Variants in RGS12 observed in about 807,000 individuals in gnomAD.
RGS12 encodes the protein regulator of G-protein signaling 12.
RGS12 carries 66 observed loss-of-function variants against 120.1 expected under a neutral mutation model. The observed-to-expected ratio is 0.55, with a 90% CI of 0.45 to 0.67. The LOEUF is 0.67. RGS12 is among the 30% of genes least tolerant of loss of function. RGS12 has a pLI of 0.00. For synonymous variants in RGS12, 827 were observed against 804.7 expected (o/e 1.03, Z -0.47); for missense variants, 1,859 against 1,957.7 (o/e 0.95, Z 0.95).
chr4:3,437,299 C>G (rs1011004288), intron 17 of RGS12, among the ~76,000 whole-genome samples: 1 of 152,164 alleles, frequency 6.6e-6, no homozygotes, highest in Non-Finnish European at 1.5e-5. Flanking sequence ...AAGTGTTTCT[C>G]CATCCTGAGC....
At chr4:3,356,968 T>A (rs1714954643) in intron 3 of RGS12, among the ~76,000 whole-genome samples, 1 of 152,226 alleles carries the variant, frequency 6.6e-6, no homozygotes, top group Non-Finnish European at 1.5e-5. Context: ...GGAACCACCG[T>A]ACTGTTTTCC....
chr4:3,348,393 A>G lies in RGS12; in HGVS notation c.1998+5340A>G, dbSNP rs909090601. On this transcript the variant is annotated intron_variant, in intron 3 of 17. Transcript: ENST00000336727. Reference sequence around the variant, plus strand: ...TCTTTGTTTCGTAGGCCAGTTACCAAAAAGGTAAAGAAAAACCTCCTGTGG... The same window carrying G: ...TCTTTGTTTCGTAGGCCAGTTACCAGAAAGGTAAAGAAAAACCTCCTGTGG... 3.3e-5 allele frequency among the ~76,000 whole-genome samples: 5 copies of G among 152,362 alleles called. 1 individual carries two copies. The Middle Eastern group carries it at 0.01, about 311-fold the overall frequency.
intron 3 of RGS12, among the ~76,000 whole-genome samples, chr4:3,356,042 C>G (rs1025648249): frequency 7.2e-6 from 1 of 139,514 alleles, no homozygotes; most frequent in Non-Finnish European, 1.5e-5. Flanking sequence ...CAGAGATTAT[C>G]TTTTTCAATT....
chr4:3,302,781 G>A (rs1723756760), intron 1 of RGS12, among the ~76,000 whole-genome samples: 1 of 152,150 alleles, frequency 6.6e-6, no homozygotes, highest in South Asian at 2.1e-4. Flanking sequence ...GGAGTCATTG[G>A]GGGCCTCAGG....
chr4:3,317,576 G>C lies in RGS12; in HGVS notation c.1406G>C (p.Gly469Ala). 6.2e-7 allele frequency: 1 copy of C among 1,603,050 alleles called. No individual in the cohort carries two copies. The highest frequency in any genetic ancestry group is 8.5e-7 in the Non-Finnish European group (1 of 1,175,442). ...GVGGRGAQPW[G>A]APWTGPFCPD... ...GGTGGGAGGGGTGCCCAGCCCTGGG[G>C]TGCTCCCTGGACTGGGCCCTTCTGT... Residue 469 changes from glycine (G) to alanine (A), a missense_variant, in exon 2 of 18, where the codon GGT becomes GCT. Physicochemically the swap from Gly to Ala is moderately conservative, Grantham distance 60. Transcript: ENST00000336727.
At chr4:3,414,552 A>G in intron 5 of RGS12, 200 bp from the exon 6 acceptor site, 1 of 603,930 alleles carries the variant, frequency 1.7e-6, no homozygotes, top group Non-Finnish European at 2.9e-6. Context: ...AGCTCTTCAA[A>G]GAGATGTTTT....
rs138119439 is a variant in RGS12 at position 3,308,227 on chromosome 4, G to A, written c.-101-7843G>A. 9.5e-4 allele frequency among the ~76,000 whole-genome samples: 144 copies of A among 152,350 alleles called. 1 individual carries two copies. Among genetic ancestry groups the A allele is most frequent in the Middle Eastern group, 6.8e-3 (2 of 294 alleles). On this transcript the variant is annotated intron_variant, in intron 1 of 17. Transcript: ENST00000336727. ...AACGCCTGCAGCACCCCAATTTTTGGCCAGACAGGGCCGGTGCACTTCAGG... is the reference window on the plus strand; with the variant it reads ...AACGCCTGCAGCACCCCAATTTTTGACCAGACAGGGCCGGTGCACTTCAGG...
At chr4:3,431,700 T>A (rs1024079460) in intron 17 of RGS12, 1 of 985,516 alleles carries the variant, frequency 1.0e-6, no homozygotes, top group African/African-American at 1.7e-5. Context: ...GGCCGTGGCC[T>A]GCGTGGCCAT....
chr4:3,367,694 T>G (rs13120043), intron 3 of RGS12, among the ~76,000 whole-genome samples: 6,914 of 152,286 alleles, frequency 0.045, 186 homozygotes, highest in South Asian at 0.095. Context: ...CCAGGCGTGT[T>G]CTGGCCCTGC....
At chr4:3,307,362 G>C (rs1440945944) in intron 1 of RGS12, among the ~76,000 whole-genome samples, 3 of 152,250 alleles carry the variant, frequency 2.0e-5, no homozygotes, top group Non-Finnish European at 2.9e-5. Flanking sequence ...AAGCCAGCCT[G>C]GGGTGGGATG....
At chr4:3,338,360 A>G (rs892412291) in intron 2 of RGS12, among the ~76,000 whole-genome samples, 4 of 152,214 alleles carry the variant, frequency 2.6e-5, no homozygotes, top group African/African-American at 4.8e-5. Flanking sequence ...GTGCCCAGCA[A>G]TTCATTGTTG....
chr4:3,297,198 G>A (rs533938311), intron 1 of RGS12, among the ~76,000 whole-genome samples: 42 of 152,278 alleles, frequency 2.8e-4, no homozygotes, highest in African/African-American at 9.4e-4. Flanking sequence ...TACCCGATAC[G>A]CATACACACT....
Position 3,422,380 on chromosome 4 carries a change from A to T in RGS12, c.2843A>T (p.Glu948Val). ...GCTTGTCTCGCTGCTCCCCAGTCGG[A>T]GGCCTGCAGGACTTTGGCACCCGAG... is the stretch of plus-strand genomic sequence containing the variant. ...VSSAGSLDLS[E>V]ACRTLAPEKD... is the part of the protein sequence containing the mutation. The change falls in exon 11 of 18, where the codon GAG becomes GTG. Residue 948 changes from glutamate to valine, a missense_variant. Coordinates refer to ENST00000336727, the MANE Select transcript of RGS12 (RefSeq NM_001394154.1). 1.9e-6 allele frequency: 3 copies of T among 1,610,282 alleles called. No homozygotes were observed. The highest frequency in any genetic ancestry group is 2.5e-6 in the Non-Finnish European group (3 of 1,178,254).
chr4:3,430,314 G>A, intron 16 of RGS12, 93 bp from the exon 17 acceptor site: 1 of 1,181,342 alleles, frequency 8.5e-7, no homozygotes, highest in Admixed American at 2.0e-5. Context: ...TGTTAGGACA[G>A]CCCAGGATGA....
chr4:3,430,319 G>A (rs555802967), intron 16 of RGS12, 88 bp from the exon 17 acceptor site: 5 of 1,249,730 alleles, frequency 4.0e-6, no homozygotes, highest in Non-Finnish European at 5.6e-6. Flanking sequence ...GGACAGCCCA[G>A]GATGAGAGCT....
rs1302122076 is a variant in RGS12, at chr4:3,316,359, G to C, written c.189G>C (p.Gln63His). 1 of 1,613,170 alleles carries C rather than the reference G, an allele frequency of 6.2e-7. No homozygotes were observed. Among genetic ancestry groups the C allele is most frequent in the Admixed American group, 1.7e-5 (1 of 59,768 alleles). Residue 63 changes from glutamine (Q) to histidine (H), a missense_variant, in exon 2 of 18, where the codon CAG (glutamine) becomes CAC (histidine). Gln to His is a conservative substitution (Grantham distance 24). Transcript: ENST00000336727. ...TCGTGGGCCTCCGAGCTGGAGACCA[G>C]ATACTTGCTGTCAATGAAATCAACG... Reference protein sequence around the residue: ...ADFVGLRAGDQILAVNEINVK... With the variant: ...ADFVGLRAGDHILAVNEINVK...
At chr4:3,327,844 A>G (rs1378358543) in intron 2 of RGS12, among the ~76,000 whole-genome samples, 2 of 152,202 alleles carry the variant, frequency 1.3e-5, no homozygotes, top group Admixed American at 1.3e-4. Flanking sequence ...TCAGAGTCCT[A>G]AAAATAGAGC....
At chr4:3,311,597 C>G (rs1260658317) in intron 1 of RGS12, among the ~76,000 whole-genome samples, 1 of 152,188 alleles carries the variant, frequency 6.6e-6, no homozygotes, top group Admixed American at 6.5e-5. Context: ...CATAGCTGAG[C>G]TAGTGACACC....
chr4:3,296,415 C>T (rs1440434184), intron 1 of RGS12, among the ~76,000 whole-genome samples: 4 of 151,788 alleles, frequency 2.6e-5, no homozygotes, highest in Non-Finnish European at 5.9e-5. Context: ...ATCTTGAACT[C>T]TTAGCCTCAA....
Sources: gnomAD v4.1 joint callset for allele counts (sites outside exome capture counted in the v4.1 genomes callset) on GRCh38, gnomAD v4.1.1 for gene constraint, MANE v1.5 for transcripts, NCBI Gene and HGNC (gene_info 2026-07-23, HGNC 2026-07-21) for gene names.